Variants in SLC31A1 observed in about 807,000 individuals in gnomAD.
SLC31A1 encodes the protein high affinity copper uptake protein 1.
A neutral mutation model predicts 17.2 loss-of-function variants in SLC31A1; 5 were observed. The observed-to-expected ratio is 0.29, with a 90% CI of 0.15 to 0.61. SLC31A1 has a LOEUF of 0.61. Ranked by LOEUF, SLC31A1 falls within the 20% of genes least tolerant of loss-of-function variation. The pLI is 0.86. For missense variants in SLC31A1, 161 were observed against 241.4 expected (o/e 0.67, Z 2.21); for synonymous variants, 76 against 78.8 (o/e 0.96, Z 0.19).
In SLC31A1 at chr9:113,252,946, C is replaced by CTTTTTTTTTTTTTT. The variant is rs1282361795; in HGVS notation, c.-35-3161_-35-3160insTTTTTTTTTTTTTT. Among the ~76,000 whole-genome samples, 3 of 113,708 alleles carry CTTTTTTTTTTTTTT rather than the reference C, an allele frequency of 2.6e-5. 1 individual carries two copies. Among genetic ancestry groups the CTTTTTTTTTTTTTT allele is most frequent in the Non-Finnish European group, 5.3e-5 (3 of 56,638 alleles). The allele number at this position is 113,708 out of a possible 152,430, so 74.6% of individuals were successfully genotyped here. On this transcript the variant is annotated intron_variant, in intron 1 of 4. Coordinates refer to ENST00000374212, the MANE Select transcript of SLC31A1 (RefSeq NM_001859.4). ...CTGGCTAGCGAAAGTCTTTTCTTTTCTTTTTTTCTTTTTTTTTTTTTTTTT... is the reference window on the plus strand; with the variant it reads ...CTGGCTAGCGAAAGTCTTTTCTTTTCTTTTTTTTTTTTTTTTTTTTTCTTTTTTTTTTTTTTTTT...
At chr9:113,222,314 C>T (rs1478874412) in intron 1 of SLC31A1, among the ~76,000 whole-genome samples, 1 of 152,172 alleles carries the variant, frequency 6.6e-6, no homozygotes, top group Admixed American at 6.5e-5. Flanking sequence ...GCAGACACAT[C>T]CCCACCCCAA....
chr9:113,230,216 ATTTG>A (rs968094184), intron 1 of SLC31A1, among the ~76,000 whole-genome samples: 10 of 152,092 alleles, frequency 6.6e-5, no homozygotes, highest in South Asian at 4.2e-4. Flanking sequence ...TCTTTTGGGG[ATTTG>A]TTTGTTTGTT....
At chr9:113,243,974 T>C (rs113716076) in intron 1 of SLC31A1, among the ~76,000 whole-genome samples, 3 of 151,846 alleles carry the variant, frequency 2.0e-5, no homozygotes, top group African/African-American at 7.2e-5. Context: ...GCCAACATGG[T>C]GAAACCTCGT....
chr9:113,253,191 G>A (rs1003844894), intron 1 of SLC31A1, among the ~76,000 whole-genome samples: 2 of 151,964 alleles, frequency 1.3e-5, no homozygotes, highest in Non-Finnish European at 2.9e-5. Flanking sequence ...TCCTAACCTC[G>A]TGATCCGCCT....
intron 1 of SLC31A1, among the ~76,000 whole-genome samples, chr9:113,224,914 T>C (rs1050905013): frequency 6.6e-6 from 1 of 152,246 alleles, no homozygotes; most frequent in African/African-American, 2.4e-5. Context: ...ACAGGCATAA[T>C]GGTAGTATCC....
At chr9:113,229,522 G>A (rs947014116) in intron 1 of SLC31A1, among the ~76,000 whole-genome samples, 3 of 152,082 alleles carry the variant, frequency 2.0e-5, no homozygotes, top group Non-Finnish European at 4.4e-5. Context: ...ATGAAAATAT[G>A]ATAACTCATT....
chr9:113,239,858 A>G (rs539157050), intron 1 of SLC31A1, among the ~76,000 whole-genome samples: 1 of 152,380 alleles, frequency 6.6e-6, no homozygotes, highest in East Asian at 1.9e-4. Flanking sequence ...TGTTGGGATT[A>G]CAGGCGTGAG....
chr9:113,257,291 A>T, intron 3 of SLC31A1, 106 bp downstream of exon 3: 1 of 926,986 alleles, frequency 1.1e-6, no homozygotes, highest in Non-Finnish European at 1.8e-6. Flanking sequence ...CTAAGTCAAC[A>T]TGGTAATGAT....
At chr9:113,244,241 G>T (rs552552625) in intron 1 of SLC31A1, among the ~76,000 whole-genome samples, 21 of 150,706 alleles carry the variant, frequency 1.4e-4, no homozygotes, top group African/African-American at 5.1e-4. Context: ...AGTCCATGCA[G>T]CATTTCTTGT....
intron 1 of SLC31A1, among the ~76,000 whole-genome samples, chr9:113,231,031 G>A (rs977942271): frequency 2.0e-5 from 3 of 152,072 alleles, no homozygotes; most frequent in African/African-American, 7.3e-5. Flanking sequence ...GTTGAATTGA[G>A]GTAGATGTCA....
At position 113,264,005 on chromosome 9, in the gene SLC31A1, G is replaced by C. The variant is rs1158011532; in HGVS notation, c.*3532G>C. The stretch of plus-strand genomic sequence containing the variant: ...AATTTTGATCCTGCCCTCTCCAGCT[G>C]CTCCTTCAAAAGATACATCAAAAGA... On this transcript the variant is annotated 3_prime_UTR_variant, in exon 5 of 5. Coordinates refer to ENST00000374212, the MANE Select transcript of SLC31A1 (RefSeq NM_001859.4). The C allele has an allele frequency of 6.6e-6, 1 of 152,228 alleles. No homozygotes were observed. Among genetic ancestry groups the C allele is most frequent in the Non-Finnish European group, 1.5e-5 (1 of 68,080 alleles). 9.4% of individuals were successfully genotyped at this position (152,228 alleles called of 1,614,324 possible). A position where few individuals can be genotyped will look rare whatever the true frequency, so the allele number is the denominator to read the frequency against.
chr9:113,235,373 G>A (rs1340872854), intron 1 of SLC31A1, among the ~76,000 whole-genome samples: 1 of 152,196 alleles, frequency 6.6e-6, no homozygotes, highest in East Asian at 1.9e-4. Context: ...ATTTGCAAAT[G>A]TTCACAGCAG....
intron 1 of SLC31A1, among the ~76,000 whole-genome samples, chr9:113,253,016 C>T (rs1206732406): frequency 7.0e-6 from 1 of 143,806 alleles, no homozygotes; most frequent in Admixed American, 7.2e-5. Context: ...TGCAGTGGCG[C>T]GGTCTCGCTT....
intron 1 of SLC31A1, among the ~76,000 whole-genome samples, chr9:113,252,954 C>CTTTTT (rs369221979): frequency 9.5e-6 from 1 of 105,512 alleles, no homozygotes; most frequent in African/African-American, 4.0e-5. Context: ...TTCTTTTTTT[C>CTTTTT]TTTTTTTTTT....
Position 113,258,728 on chromosome 9 carries a change from A to G in SLC31A1, c.237A>G (p.Leu79=), listed in dbSNP as rs771822051. ...GAGCTTTTGTGGCAGTGTTTTTACT[A>G]GCAATGTTCTATGAAGGACTCAAGA... is the stretch of plus-strand genomic sequence containing the variant. The part of the protein sequence containing the change: ...MAGAFVAVFL[L]AMFYEGLKIA... The change falls in exon 4 of 5, where the codon CTA becomes CTG. Residue 79 remains leucine, a synonymous_variant. Coordinates refer to ENST00000374212, the MANE Select transcript of SLC31A1 (RefSeq NM_001859.4). The surrounding 1 kb of genome is among the most constrained non-coding windows in gnomAD (Gnocchi z 4.8). The G allele has an allele frequency of 4.3e-6, 7 of 1,614,072 alleles. No individual in the cohort carries two copies. Among genetic ancestry groups the G allele is most frequent in the Admixed American group, 1.7e-5 (1 of 59,996 alleles).
intron 1 of SLC31A1, among the ~76,000 whole-genome samples, chr9:113,236,567 T>G (rs1300599027): frequency 6.6e-6 from 1 of 151,428 alleles, no homozygotes; most frequent in African/African-American, 2.4e-5. Context: ...TTTCACCGTG[T>G]TAGCCAGGAT....
At chr9:113,236,530 AT>A (rs1463858088) in intron 1 of SLC31A1, among the ~76,000 whole-genome samples, 1 of 150,738 alleles carries the variant, frequency 6.6e-6, no homozygotes, top group Non-Finnish European at 1.5e-5. Context: ...CGCCCGGCTA[AT>A]TTTTGTATTT....
chr9:113,221,826 C>A (rs1345770787), intron 1 of SLC31A1, 148 bp downstream of exon 1: 2 of 163,674 alleles, frequency 1.2e-5, no homozygotes, highest in Non-Finnish European at 2.7e-5. Context: ...GGGGCTTCGG[C>A]CCGGCCCCTG....
intron 1 of SLC31A1, among the ~76,000 whole-genome samples, chr9:113,222,696 G>A (rs777231766): frequency 1.3e-5 from 2 of 152,186 alleles, no homozygotes; most frequent in Non-Finnish European, 2.9e-5. Flanking sequence ...AGCAGCGAAG[G>A]CTCACAGTTG....
Sources: allele counts gnomAD v4.1 joint callset (sites outside exome capture counted in the v4.1 genomes callset), GRCh38; gene constraint gnomAD v4.1.1; non-coding constraint Gnocchi (gnomAD v3.1); transcripts MANE v1.5; gene names NCBI Gene and HGNC (gene_info 2026-07-23, HGNC 2026-07-21).